ERN1: variants seen among roughly 807,000 people sequenced by gnomAD.
The protein encoded by ERN1 is serine/threonine-protein kinase/endoribonuclease IRE1.
In ERN1, 39 loss-of-function variants were observed where a neutral mutation model predicts 113.1. The observed-to-expected ratio is 0.34, with a 90% confidence interval of 0.27 to 0.45. The LOEUF (loss-of-function observed/expected upper bound fraction) is 0.45, where lower values mean the gene tolerates loss of function less well. ERN1 is among the 20% of genes least tolerant of loss of function. The probability of loss-of-function intolerance (pLI) is 1.00; values close to 1 mark genes in which losing one functional copy is unlikely to be tolerated. For synonymous variants in ERN1, 507 were observed against 515.9 expected (o/e 0.98, Z 0.23); for missense variants, 976 against 1,274.8 (o/e 0.77, Z 3.57).
At chr17:64,075,627 C>T (rs1913568455) in intron 4 of ERN1, among the ~76,000 whole-genome samples, 1 of 152,162 alleles carries the variant, frequency 6.6e-6, no homozygotes, top group Non-Finnish European at 1.5e-5. Flanking sequence ...TGACAAGCTC[C>T]CAGGTCCCTG....
intron 2 of ERN1, among the ~76,000 whole-genome samples, chr17:64,097,041 G>C (rs1456542865): frequency 6.6e-6 from 1 of 152,172 alleles, no homozygotes; most frequent in Non-Finnish European, 1.5e-5. Context: ...ACATTAAAAG[G>C]CTTAAATGTG....
At chr17:64,127,169 T>C (rs1915102357) in intron 1 of ERN1, among the ~76,000 whole-genome samples, 1 of 152,196 alleles carries the variant, frequency 6.6e-6, no homozygotes, top group South Asian at 2.1e-4. Flanking sequence ...TCTGGTAGCC[T>C]AAAGTCTCAA....
At chr17:64,124,508 A>G (rs1915030255) in intron 1 of ERN1, among the ~76,000 whole-genome samples, 1 of 152,128 alleles carries the variant, frequency 6.6e-6, no homozygotes, top group Non-Finnish European at 1.5e-5. Flanking sequence ...TGTGATAGTG[A>G]ATAAGTCTCA....
At chr17:64,069,722 G>T (rs1913349610) in intron 6 of ERN1, among the ~76,000 whole-genome samples, 1 of 152,172 alleles carries the variant, frequency 6.6e-6, no homozygotes, top group South Asian at 2.1e-4. Flanking sequence ...TGTTGGGTGG[G>T]GGATGGGAAG....
rs563674722 is a variant in ERN1 at position 64,103,993 on chromosome 17, C to A, written c.55-5752G>T. Among the ~76,000 whole-genome samples, 4 of 151,996 alleles carry A rather than the reference C, an allele frequency of 2.6e-5. No individual in the cohort carries two copies. In the East Asian group the frequency reaches 5.8e-4, roughly 22 times the overall value. ...GTGACTCACGCCTGTAATTCCAATA[C>A]TTTGGGAGGCCCAGGCAGGAGGATT... On this transcript the variant is annotated intron_variant, in intron 1 of 21. Coordinates refer to ENST00000433197, the MANE Select transcript of ERN1 (RefSeq NM_001433.5).
At chr17:64,083,009 G>A (rs1485276448) in intron 2 of ERN1, among the ~76,000 whole-genome samples, 1 of 152,184 alleles carries the variant, frequency 6.6e-6, no homozygotes, top group Non-Finnish European at 1.5e-5. Context: ...TTCTGACAGA[G>A]GCAGACACAC....
Position 64,041,456 on chromosome 17 carries a change from GC to G in ERN1, c.*2531del, listed in dbSNP as rs1260370529. ...CTGGCCTGAAAAGAACTTTCCACTT[GC>G]TGAGCACAGTGGGAAACCAGAATTC... On this transcript the variant is annotated 3_prime_UTR_variant, in exon 22 of 22. Transcript: ENST00000433197. The G allele has an allele frequency of 3.3e-5, 5 of 152,198 alleles. No individual in the cohort carries two copies. The highest frequency in any genetic ancestry group is 9.7e-5 in the African/African-American group (4 of 41,444). The allele number at this position is 152,198 out of a possible 1,614,324, so 9.4% of individuals were successfully genotyped here.
In ERN1 at chr17:64,054,748, T is replaced by C. The variant is rs774625333; in HGVS notation, c.1753A>G (p.Ile585Val). 8 of 1,607,050 alleles carry C rather than the reference T, an allele frequency of 5.0e-6. No individual in the cohort carries two copies. The highest frequency in any genetic ancestry group is 4.5e-5 in the East Asian group (2 of 44,758). Reference sequence around the variant, plus strand: ...GGCTAATCCACTCACCGGTACACAATTGTGCCCTCAGCTCCATGGCCCAGG... The same window carrying C: ...GGCTAATCCACTCACCGGTACACAACTGTGCCCTCAGCTCCATGGCCCAGG... Reference protein sequence around the residue: ...DVLGHGAEGTIVYRGMFDNRD... With the variant: ...DVLGHGAEGTVVYRGMFDNRD... Residue 585 changes from isoleucine to valine, a missense_variant, in exon 14 of 22, where the codon ATT (isoleucine) becomes GTT (valine). Ile to Val is a conservative substitution (Grantham distance 29). Coordinates refer to ENST00000433197, the MANE Select transcript of ERN1 (RefSeq NM_001433.5). This position sits in a 1 kb window ranked among gnomAD's most constrained non-coding sequence, Gnocchi z 4.9.
In ERN1 at chr17:64,072,207, T is replaced by C. The variant is rs191506032; in HGVS notation, c.356-104A>G. The C allele has an allele frequency of 5.0e-5, 62 of 1,243,622 alleles. No homozygotes were observed. In the East Asian group the frequency reaches 1.4e-3, roughly 28 times the overall value. 77.0% of individuals were successfully genotyped at this position (1,243,622 alleles called of 1,614,324 possible). On this transcript the variant is annotated intron_variant, in intron 5 of 21. Coordinates refer to ENST00000433197, the MANE Select transcript of ERN1 (RefSeq NM_001433.5). ...CTGTATTGAGAGAGATAGACCTGAA[T>C]TTCTTAGGATGTCATTTCTAAGGTG...
At position 64,053,363 on chromosome 17, in the gene ERN1, C is replaced by T. The variant is rs1380178827; in HGVS notation, c.1962G>A (p.Glu654=). Reference sequence around the variant, plus strand: ...GGCCGAGATGCGCAAAGTCCTTCTGCTCCACATACTGCAAAAGACATGACA... The same window carrying T: ...GGCCGAGATGCGCAAAGTCCTTCTGTTCCACATACTGCAAAAGACATGACA... The part of the protein sequence containing the change: ...LCAATLQEYV[E]QKDFAHLGLE... Residue 654 remains glutamate, a synonymous_variant, in exon 16 of 22, where the codon GAG becomes GAA. Coordinates refer to ENST00000433197, the MANE Select transcript of ERN1 (RefSeq NM_001433.5). 3.1e-6 allele frequency: 5 copies of T among 1,605,682 alleles called. No homozygotes were observed. The East Asian group carries it at 6.7e-5, about 22-fold the overall frequency.
intron 1 of ERN1, among the ~76,000 whole-genome samples, chr17:64,126,798 C>T (rs1915092367): frequency 6.6e-6 from 1 of 151,818 alleles, no homozygotes; most frequent in Non-Finnish European, 1.5e-5. Context: ...CTAGTTAAGA[C>T]TCATCTATCA....
chr17:64,094,535 A>ACCC (rs1914176566), intron 2 of ERN1, among the ~76,000 whole-genome samples: 1 of 151,698 alleles, frequency 6.6e-6, no homozygotes, highest in Non-Finnish European at 1.5e-5. Context: ...CCTGCCCTGT[A>ACCC]TGACTGGCCC....
chr17:64,126,931 A>G (rs1480002940), intron 1 of ERN1, among the ~76,000 whole-genome samples: 1 of 152,148 alleles, frequency 6.6e-6, no homozygotes, highest in Non-Finnish European at 1.5e-5. Flanking sequence ...TTAAAAAAAA[A>G]GGTACTTTGC....
chr17:64,112,901 G>A (rs139748222), intron 1 of ERN1, among the ~76,000 whole-genome samples: 170 of 152,306 alleles, frequency 1.1e-3, no homozygotes, highest in African/African-American at 3.8e-3. Flanking sequence ...GTCTGCTCTG[G>A]TAGACAAGAG....
chr17:64,091,356 T>A (rs1914084000), intron 2 of ERN1, among the ~76,000 whole-genome samples: 1 of 152,148 alleles, frequency 6.6e-6, no homozygotes, highest in African/African-American at 2.4e-5. Context: ...GTCCCATTTG[T>A]TTCTCAGGAC....
At chr17:64,071,954 T>G in intron 6 of ERN1, 27 bp downstream of exon 6, 3 of 1,551,846 alleles carry the variant, frequency 1.9e-6, no homozygotes, top group Non-Finnish European at 2.6e-6. Flanking sequence ...ACAGGCAGGT[T>G]GTAGAAGACA....
intron 2 of ERN1, among the ~76,000 whole-genome samples, chr17:64,091,261 C>T (rs1343772279): frequency 6.6e-6 from 1 of 152,168 alleles, no homozygotes; most frequent in Non-Finnish European, 1.5e-5. Flanking sequence ...AAAGGCCATG[C>T]AAAACTCAAG....
Position 64,065,211 on chromosome 17 carries a change from C to G in ERN1, c.919G>C (p.Val307Leu). ...PSMVHEGVAV[V>L]PRGSTLPLLE... ...CGAGCCCTCCGTAGTGGACTTACCA[C>G]GACAGCAACCCCCTCGTGTACCATT... The change falls in exon 9 of 22, where the codon GTG becomes CTG. Residue 307 changes from valine to leucine, a missense_variant and splice_region_variant. This residue lies in a region of ERN1 where 459 missense variants were observed against 581.2 expected (regional missense o/e 0.79). Transcript: ENST00000433197. The G allele has an allele frequency of 1.9e-6, 3 of 1,605,502 alleles. No individual in the cohort carries two copies. The highest frequency in any genetic ancestry group is 2.6e-6 in the Non-Finnish European group (3 of 1,175,826).
At chr17:64,075,135 C>A in intron 5 of ERN1, 40 bp downstream of exon 5, 5 of 1,481,188 alleles carry the variant, frequency 3.4e-6, no homozygotes, top group Non-Finnish European at 4.6e-6. Context: ...CCGGGACTTA[C>A]ATCAAAGAGA....
Sources: gnomAD v4.1 joint callset for allele counts (sites outside exome capture counted in the v4.1 genomes callset) on GRCh38, gnomAD v4.1.1 for gene constraint, gnomAD v4.1.1 regional missense constraint, Gnocchi (gnomAD v3.1) non-coding constraint, MANE v1.5 for transcripts, NCBI Gene and HGNC (gene_info 2026-07-23, HGNC 2026-07-21) for gene names.